Variants in PCDH11X observed in about 807,000 individuals in gnomAD.
PCDH11X encodes protocadherin 11 X-linked, also known as protocadherin-11 X-linked.
Under a neutral mutation model 53.3 loss-of-function variants are expected in PCDH11X, and 18 were observed. The ratio of observed to expected loss-of-function variants is 0.34; its 90% CI spans 0.23 to 0.50. The LOEUF (loss-of-function observed/expected upper bound fraction) is 0.50. Ranked by LOEUF, PCDH11X falls within the 20% of genes least tolerant of loss-of-function variation. PCDH11X has a pLI of 0.98. For synonymous variants in PCDH11X, 279 were observed against 393.3 expected, an observed-to-expected ratio of 0.71 and a Z score of 3.44; for missense variants, 570 against 1,032.4, an observed-to-expected ratio of 0.55 and a Z score of 6.14.
At chrX:92,282,170 A>T (rs1351692854) in intron 8 of PCDH11X, among the ~76,000 whole-genome samples, 5 of 111,368 alleles carry the variant, frequency 4.5e-5, no homozygotes, top group African/African-American at 1.3e-4. Flanking sequence ...AATGTTTTGG[A>T]GTTATTTAAT....
At chrX:91,856,825 C>T (rs748851370) in intron 5 of PCDH11X, among the ~76,000 whole-genome samples, 61 of 111,724 alleles carry the variant, frequency 5.5e-4, no homozygotes, top group Middle Eastern at 4.6e-3. Flanking sequence ...TGTATATGTA[C>T]CAAATTTTCT....
At chrX:92,071,225 T>C (rs937464977) in intron 6 of PCDH11X, among the ~76,000 whole-genome samples, 1 of 111,070 alleles carries the variant, frequency 9.0e-6, no homozygotes, top group Non-Finnish European at 1.9e-5. Flanking sequence ...AAATAACCTG[T>C]CTTCAAGCTC....
At chrX:92,504,010 C>G (rs1353404649) in intron 10 of PCDH11X, among the ~76,000 whole-genome samples, 1 of 60,551 alleles carries the variant, frequency 1.7e-5, no homozygotes. Flanking sequence ...TCATTTGAAT[C>G]AAATGCTCCA....
chrX:92,555,645 C>T (rs1173321082), intron 10 of PCDH11X, among the ~76,000 whole-genome samples: 1 of 111,561 alleles, frequency 9.0e-6, no homozygotes, highest in Non-Finnish European at 1.9e-5. Flanking sequence ...TATTGTATTT[C>T]CAAAGCCATA....
intron 9 of PCDH11X, among the ~76,000 whole-genome samples, chrX:92,395,434 A>T (rs1041204802): frequency 1.8e-4 from 20 of 111,308 alleles, no homozygotes; most frequent in African/African-American, 6.2e-4. Flanking sequence ...GTTTTAGGCA[A>T]TCATCTTACG....
intron 6 of PCDH11X, among the ~76,000 whole-genome samples, chrX:91,910,005 C>T (rs1481939132): frequency 1.8e-5 from 2 of 111,355 alleles, no homozygotes; most frequent in Admixed American, 9.6e-5. Context: ...TACGTTAGGT[C>T]TCCAGAACTT....
intron 6 of PCDH11X, among the ~76,000 whole-genome samples, chrX:92,094,303 T>C (rs895640992): frequency 4.5e-5 from 5 of 110,841 alleles, no homozygotes; most frequent in African/African-American, 1.6e-4. Flanking sequence ...GACTTTTCTT[T>C]GCAAACCATT....
At chrX:92,098,569 A>G (rs1240250928) in intron 6 of PCDH11X, among the ~76,000 whole-genome samples, 1 of 109,856 alleles carries the variant, frequency 9.1e-6, no homozygotes, top group African/African-American at 3.3e-5. Context: ...ATGAGTCTCA[A>G]AATGTTCTTG....
intron 8 of PCDH11X, among the ~76,000 whole-genome samples, chrX:92,351,661 G>A (rs941008806): frequency 1.8e-5 from 2 of 111,329 alleles, no homozygotes; most frequent in African/African-American, 6.5e-5. Flanking sequence ...TTTACTGCAA[G>A]CATCATATTA....
intron 10 of PCDH11X, among the ~76,000 whole-genome samples, chrX:92,616,775 T>C (rs1043994756): frequency 4.6e-5 from 5 of 109,733 alleles, no homozygotes; most frequent in African/African-American, 1.7e-4. Context: ...AGAAGATCCA[T>C]CTAAGATTTC....
chrX:92,566,274 A>AT (rs2148768020), intron 10 of PCDH11X, among the ~76,000 whole-genome samples: 1 of 109,528 alleles, frequency 9.1e-6, no homozygotes, highest in African/African-American at 3.3e-5. Flanking sequence ...ATTTTATATT[A>AT]TTTAAACATT....
At chrX:92,518,730 C>G (rs1436852925) in intron 10 of PCDH11X, among the ~76,000 whole-genome samples, 1 of 105,771 alleles carries the variant, frequency 9.5e-6, no homozygotes, top group Non-Finnish European at 1.9e-5. Context: ...GGAACATTCA[C>G]TATGGCTTAC....
At chrX:92,408,073 C>T (rs1196013144) in intron 9 of PCDH11X, among the ~76,000 whole-genome samples, 1 of 110,328 alleles carries the variant, frequency 9.1e-6, no homozygotes, top group Admixed American at 9.7e-5. Context: ...TTAGTAGAAA[C>T]GGGGTTTTAC....
chrX:92,489,751 T>TTA (rs761167180), intron 10 of PCDH11X, among the ~76,000 whole-genome samples: 65 of 104,441 alleles, frequency 6.2e-4, no homozygotes, highest in Middle Eastern at 5.2e-3. Flanking sequence ...GCCACAAAAT[T>TTA]TATATATATA....
At chrX:92,308,017 A>T in intron 8 of PCDH11X, among the ~76,000 whole-genome samples, 1 of 100,288 alleles carries the variant, frequency 1.0e-5, no homozygotes, top group Non-Finnish European at 2.0e-5. Flanking sequence ...ACACCAATAA[A>T]TGGAAAGATA....
intron 6 of PCDH11X, among the ~76,000 whole-genome samples, chrX:92,120,136 C>CA (rs377503634): frequency 2.0e-5 from 2 of 102,277 alleles, no homozygotes; most frequent in African/African-American, 7.2e-5. Flanking sequence ...GGAATGGCAC[C>CA]ATTTTCTAAC....
At chrX:91,949,434 C>G (rs1242506242) in intron 6 of PCDH11X, among the ~76,000 whole-genome samples, 1 of 109,952 alleles carries the variant, frequency 9.1e-6, no homozygotes, top group Admixed American at 9.8e-5. Flanking sequence ...ATAACATAGG[C>G]TAAAGCATTT....
At chrX:92,561,562 G>T (rs1192695114) in intron 10 of PCDH11X, among the ~76,000 whole-genome samples, 2 of 97,483 alleles carry the variant, frequency 2.1e-5, no homozygotes, top group Non-Finnish European at 4.1e-5. Context: ...GCAGAAGAAA[G>T]AAATAGTGAG....
chrX:92,451,237 G>T (rs1225844390), intron 9 of PCDH11X, among the ~76,000 whole-genome samples: 1 of 111,365 alleles, frequency 9.0e-6, no homozygotes, highest in African/African-American at 3.3e-5. Flanking sequence ...ATGAATTTTT[G>T]AATGAAACAA....
Sources: gnomAD v4.1 joint callset for allele counts (sites outside exome capture counted in the v4.1 genomes callset) on GRCh38, gnomAD v4.1.1 for gene constraint, MANE v1.5 for transcripts, NCBI Gene and HGNC (gene_info 2026-07-23, HGNC 2026-07-21) for gene names.